Variants in GALNT13 observed in about 807,000 individuals in gnomAD.
GALNT13 encodes the protein polypeptide N-acetylgalactosaminyltransferase 13.
In GALNT13, 28 loss-of-function variants were observed where a neutral mutation model predicts 64.2. The observed-to-expected ratio is 0.44, with a 90% CI of 0.32 to 0.60. The LOEUF (loss-of-function observed/expected upper bound fraction) is 0.60, where lower values mean the gene tolerates loss of function less well. Ranked by LOEUF, GALNT13 falls within the 20% of genes least tolerant of loss-of-function variation. The probability of loss-of-function intolerance (pLI) is 0.05; values close to 1 mark genes in which losing one functional copy is unlikely to be tolerated. For missense variants in GALNT13, 577 were observed against 669.8 expected, an observed-to-expected ratio of 0.86 and a Z score of 1.53; for synonymous variants, 214 against 224.6, an observed-to-expected ratio of 0.95 and a Z score of 0.42.
chr2:153,205,601 A>G, the GALNT13 span, among the ~76,000 whole-genome samples: 1 of 152,200 alleles, frequency 6.6e-6, no homozygotes, highest in South Asian at 2.1e-4. Context: ...AATTCAACTC[A>G]AGTAACCCAA....
the GALNT13 span, among the ~76,000 whole-genome samples, chr2:153,481,020 GT>G: frequency 6.6e-6 from 1 of 152,142 alleles, no homozygotes; most frequent in African/African-American, 2.4e-5. Context: ...AGTCAGGAGA[GT>G]TTTTATATTT....
chr2:154,319,076 A>G (rs1166692741), intron 9 of GALNT13, among the ~76,000 whole-genome samples: 15 of 152,186 alleles, frequency 9.9e-5, no homozygotes. Flanking sequence ...CAAGTGAGGT[A>G]CATTAAGAAA....
At chr2:154,100,765 C>T (rs1447991746) in intron 3 of GALNT13, among the ~76,000 whole-genome samples, 1 of 152,010 alleles carries the variant, frequency 6.6e-6, no homozygotes, top group Non-Finnish European at 1.5e-5. Context: ...TGAAAGTGGG[C>T]CTTTTTGTCT....
At chr2:153,725,318 A>AG in the GALNT13 span, among the ~76,000 whole-genome samples, 1 of 151,048 alleles carries the variant, frequency 6.6e-6, no homozygotes, top group Non-Finnish European at 1.5e-5. Context: ...TGGAGGGGAG[A>AG]GGGGGGAGGG....
the GALNT13 span, among the ~76,000 whole-genome samples, chr2:153,657,683 A>G: frequency 6.6e-6 from 1 of 152,152 alleles, no homozygotes; most frequent in South Asian, 2.1e-4. Flanking sequence ...ATTTTAGAAC[A>G]AAATAGCTCT....
chr2:153,382,801 C>G, the GALNT13 span, among the ~76,000 whole-genome samples: 1 of 151,904 alleles, frequency 6.6e-6, no homozygotes, highest in African/African-American at 2.4e-5. Context: ...TTTTTTCTTA[C>G]TCTATGACAA....
chr2:153,151,809 A>G, the GALNT13 span, among the ~76,000 whole-genome samples: 24 of 142,048 alleles, frequency 1.7e-4, no homozygotes, highest in African/African-American at 6.2e-4. Context: ...GAAGGGGAAC[A>G]TCACACACTG....
At chr2:154,249,674 A>G (rs949684704) in intron 7 of GALNT13, among the ~76,000 whole-genome samples, 2 of 152,040 alleles carry the variant, frequency 1.3e-5, no homozygotes, top group African/African-American at 4.8e-5. Context: ...TTTTAATATG[A>G]CTGCCTTCAT....
chr2:154,108,616 G>A (rs1316486428), intron 3 of GALNT13, among the ~76,000 whole-genome samples: 1 of 151,624 alleles, frequency 6.6e-6, no homozygotes, highest in Non-Finnish European at 1.5e-5. Flanking sequence ...TTTTTATTTG[G>A]TTGCCTGTGC....
chr2:154,414,262 G>A (rs114026083), intron 11 of GALNT13, among the ~76,000 whole-genome samples: 1,987 of 152,088 alleles, frequency 0.013, 48 homozygotes, highest in African/African-American at 0.046. Context: ...AAAGGACTCT[G>A]ATAAACATTT....
intron 7 of GALNT13, among the ~76,000 whole-genome samples, chr2:154,252,762 GATAGATAGATAGATAGATA>G (rs1159086269): frequency 6.6e-6 from 1 of 150,650 alleles, no homozygotes; most frequent in Non-Finnish European, 1.5e-5. Context: ...TAGATAGATA[GATAGATAGATAGATAGATA>G]ATAGATAAGG....
chr2:154,213,652 G>T (rs1471994940), intron 4 of GALNT13, among the ~76,000 whole-genome samples: 1 of 151,590 alleles, frequency 6.6e-6, no homozygotes. Context: ...CAGACAATAT[G>T]ATTTTGGATG....
chr2:153,837,513 T>C, the GALNT13 span, among the ~76,000 whole-genome samples: 1 of 152,132 alleles, frequency 6.6e-6, no homozygotes, highest in African/African-American at 2.4e-5. Flanking sequence ...GTATTTGCCT[T>C]TCTGTTTCTG....
the GALNT13 span, among the ~76,000 whole-genome samples, chr2:153,245,710 T>A: frequency 1.3e-5 from 2 of 152,060 alleles, no homozygotes; most frequent in Non-Finnish European, 2.9e-5. Flanking sequence ...GCAAAAACAC[T>A]GAAAATTCCA....
chr2:154,163,348 CA>C (rs1204723670), intron 4 of GALNT13, among the ~76,000 whole-genome samples: 2 of 151,612 alleles, frequency 1.3e-5, no homozygotes, highest in Non-Finnish European at 2.9e-5. Context: ...AGACCACTAG[CA>C]AGACTAATAA....
the GALNT13 span, among the ~76,000 whole-genome samples, chr2:153,153,902 A>G: frequency 6.6e-6 from 1 of 151,968 alleles, no homozygotes; most frequent in Admixed American, 6.6e-5. Context: ...TTCCTTATGA[A>G]TCTTAAAATA....
At chr2:153,313,637 A>G in the GALNT13 span, among the ~76,000 whole-genome samples, 1,638 of 152,316 alleles carry the variant, frequency 0.011, 15 homozygotes, top group Non-Finnish European at 0.018. Context: ...TTTGTACAAC[A>G]AACTCTTGTG....
chr2:153,871,728 G>T (rs1200325971), upstream of GALNT13, among the ~76,000 whole-genome samples: 1 of 152,176 alleles, frequency 6.6e-6, no homozygotes, highest in African/African-American at 2.4e-5. Context: ...GAGCGCGCTC[G>T]GTGCGCACCG....
At chr2:154,166,037 C>A (rs1287804961) in intron 4 of GALNT13, among the ~76,000 whole-genome samples, 4 of 152,132 alleles carry the variant, frequency 2.6e-5, no homozygotes, top group African/African-American at 9.7e-5. Flanking sequence ...TTCTTAAGGT[C>A]TCACGTGTCT....
Sources: allele counts gnomAD v4.1 joint callset (sites outside exome capture counted in the v4.1 genomes callset), GRCh38; gene constraint gnomAD v4.1.1; transcripts MANE v1.5; gene names NCBI Gene and HGNC (gene_info 2026-07-23, HGNC 2026-07-21).